NOL4: variants seen among roughly 807,000 people sequenced by gnomAD.
NOL4 encodes the protein nucleolar protein 4, also known as cancer/testis antigen 125.
Under a neutral mutation model 75.9 loss-of-function variants are expected in NOL4, and 17 were observed. That is an observed-to-expected ratio of 0.22 (90% CI 0.15 to 0.34). NOL4 has a LOEUF of 0.34. NOL4 is among the 10% of genes least tolerant of loss of function. The probability of loss-of-function intolerance (pLI) is 1.00; values close to 1 mark genes in which losing one functional copy is unlikely to be tolerated. For synonymous variants in NOL4, 292 were observed against 289.9 expected (o/e 1.01, Z -0.07); for missense variants, 614 against 793.5 (o/e 0.77, Z 2.72).
chr18:34,180,355 T>C (rs376830059), intron 1 of NOL4, among the ~76,000 whole-genome samples: 20 of 151,726 alleles, frequency 1.3e-4, no homozygotes, highest in African/African-American at 4.8e-4. Flanking sequence ...ATTAGCAATG[T>C]AATATCTCAT....
intron 5 of NOL4, among the ~76,000 whole-genome samples, chr18:34,054,377 A>T (rs1173057147): frequency 1.3e-5 from 2 of 151,806 alleles, no homozygotes; most frequent in Non-Finnish European, 2.9e-5. Flanking sequence ...TCTATTGGGA[A>T]CTCTGATATT....
At chr18:34,050,765 A>G (rs751250968) in intron 5 of NOL4, among the ~76,000 whole-genome samples, 1 of 152,104 alleles carries the variant, frequency 6.6e-6, no homozygotes, top group Non-Finnish European at 1.5e-5. Context: ...GGAAATAGGG[A>G]AAATGAGAGT....
At chr18:34,057,665 A>G (rs2076888007) in intron 5 of NOL4, among the ~76,000 whole-genome samples, 3 of 152,322 alleles carry the variant, frequency 2.0e-5, no homozygotes, top group Middle Eastern at 3.4e-3. Flanking sequence ...TTAGAATATG[A>G]TTACATGCAC....
chr18:34,001,338 T>C (rs996708048), intron 6 of NOL4, among the ~76,000 whole-genome samples: 5 of 152,190 alleles, frequency 3.3e-5, no homozygotes, highest in African/African-American at 4.8e-5. Flanking sequence ...TTTGTTCTAC[T>C]ACGCAATTCC....
chr18:33,859,814 G>A (rs1443312054), intron 10 of NOL4, among the ~76,000 whole-genome samples: 1 of 152,104 alleles, frequency 6.6e-6, no homozygotes, highest in Non-Finnish European at 1.5e-5. Context: ...AGCTAATTGG[G>A]AGGCTAAGCA....
intron 9 of NOL4, among the ~76,000 whole-genome samples, chr18:33,934,353 T>G (rs2067913057): frequency 6.6e-6 from 1 of 152,132 alleles, no homozygotes; most frequent in African/African-American, 2.4e-5. Flanking sequence ...AGTCATCAGC[T>G]GCATTAGCCC....
At position 34,095,498 on chromosome 18, in the gene NOL4, C is replaced by T. The variant is rs542602780; in HGVS notation, c.640-1901G>A. Among the ~76,000 whole-genome samples, 16 of 152,104 alleles carry T rather than the reference C, an allele frequency of 1.1e-4. No homozygotes were observed. The South Asian group carries it at 3.3e-3, about 32-fold the overall frequency. ...AAGCCAGACTTCCTAGATTCAGGTCCATATTCTGCCAGTTATTAGATATGC... is the reference window on the plus strand; with the variant it reads ...AAGCCAGACTTCCTAGATTCAGGTCTATATTCTGCCAGTTATTAGATATGC... On this transcript the variant is annotated intron_variant, in intron 4 of 10. Transcript: ENST00000261592.
intron 6 of NOL4, among the ~76,000 whole-genome samples, chr18:33,978,250 T>C (rs972126626): frequency 6.6e-6 from 1 of 152,178 alleles, no homozygotes; most frequent in Non-Finnish European, 1.5e-5. Flanking sequence ...AAATTTCATA[T>C]GCATATATCA....
At chr18:33,917,547 G>T (rs1444359799) in intron 9 of NOL4, among the ~76,000 whole-genome samples, 1 of 152,084 alleles carries the variant, frequency 6.6e-6, no homozygotes, top group Non-Finnish European at 1.5e-5. Context: ...CCTTGTTGGA[G>T]TGCAGTGGTG....
At chr18:33,853,989 GA>G (rs2062732249) in intron 10 of NOL4, among the ~76,000 whole-genome samples, 1 of 152,002 alleles carries the variant, frequency 6.6e-6, no homozygotes, top group African/African-American at 2.4e-5. Flanking sequence ...CTTCTTAGCT[GA>G]CATTAAGCAT....
In NOL4 at chr18:34,047,012, C is replaced by T. The variant is rs114045594; in HGVS notation, c.773-27411G>A. The stretch of plus-strand genomic sequence containing the variant: ...CTTTGTCTCCATTTTCTTAAGAGTA[C>T]CAGGTTCTGCATAGTTACAACCCAA... On this transcript the variant is annotated intron_variant, in intron 5 of 10. Transcript: ENST00000261592. Among the ~76,000 whole-genome samples the T allele has an allele frequency of 3.2e-3, 484 of 152,146 alleles. 3 individuals carry two copies. Among genetic ancestry groups the T allele is most frequent in the African/African-American group, 0.011 (442 of 41,516 alleles).
chr18:34,138,118 A>C (rs2145964449), intron 1 of NOL4, among the ~76,000 whole-genome samples: 1 of 152,312 alleles, frequency 6.6e-6, no homozygotes, highest in African/African-American at 2.4e-5. Flanking sequence ...AAATGTATAT[A>C]GATAGAAATA....
chr18:34,018,390 C>A (rs978353520), intron 6 of NOL4, among the ~76,000 whole-genome samples: 1 of 152,106 alleles, frequency 6.6e-6, no homozygotes, highest in South Asian at 2.1e-4. Flanking sequence ...AAACAACACA[C>A]CCCCAGGCAA....
chr18:33,891,580 T>G (rs1198706328), intron 9 of NOL4, among the ~76,000 whole-genome samples: 3 of 152,142 alleles, frequency 2.0e-5, no homozygotes, highest in Non-Finnish European at 4.4e-5. Context: ...AACTTGAGTT[T>G]CTGGTTTTGG....
At chr18:33,924,064 C>T (rs140146960) in intron 9 of NOL4, among the ~76,000 whole-genome samples, 2 of 152,238 alleles carry the variant, frequency 1.3e-5, no homozygotes, top group Non-Finnish European at 2.9e-5. Flanking sequence ...CATACACACA[C>T]TTGTATATTA....
At chr18:34,131,848 T>C (rs984110385) in intron 1 of NOL4, among the ~76,000 whole-genome samples, 1 of 152,172 alleles carries the variant, frequency 6.6e-6, no homozygotes. Context: ...AGACAGATAA[T>C]TGAGGCATTT....
At chr18:33,961,389 A>T (rs2070115718) in intron 6 of NOL4, among the ~76,000 whole-genome samples, 2 of 152,024 alleles carry the variant, frequency 1.3e-5, no homozygotes, top group African/African-American at 2.4e-5. Context: ...AAGCAGAGGG[A>T]AGGAAAATTT....
intron 2 of NOL4, among the ~76,000 whole-genome samples, chr18:34,106,309 T>C (rs990981915): frequency 1.3e-5 from 2 of 152,068 alleles, no homozygotes; most frequent in African/African-American, 4.8e-5. Context: ...AAACCCCATA[T>C]ACTAAGATCC....
At chr18:34,048,450 C>T in intron 5 of NOL4, 2 of 985,376 alleles carry the variant, frequency 2.0e-6, no homozygotes, top group African/African-American at 3.5e-5. Flanking sequence ...GTGAATTCTG[C>T]TCTTCAACTT....
Sources: allele counts gnomAD v4.1 joint callset (sites outside exome capture counted in the v4.1 genomes callset), GRCh38; gene constraint gnomAD v4.1.1; transcripts MANE v1.5; gene names NCBI Gene and HGNC (gene_info 2026-07-23, HGNC 2026-07-21).